The following HIPK1 variants were observed in gnomAD, a reference collection of about 807,000 sequenced individuals.
HIPK1 encodes the protein homeodomain-interacting protein kinase 1.
HIPK1 carries 28 observed loss-of-function variants against 117.1 expected under a neutral mutation model. The observed-to-expected ratio is 0.24, with a 90% confidence interval of 0.18 to 0.33. The LOEUF is 0.33. HIPK1 is among the 10% of genes least tolerant of loss of function. The pLI, the probability that HIPK1 is intolerant of heterozygous loss-of-function variation, is 1.00. For synonymous variants in HIPK1, 605 were observed against 562.5 expected, an observed-to-expected ratio of 1.08 and a Z score of -1.07; for missense variants, 1,122 against 1,475.1, an observed-to-expected ratio of 0.76 and a Z score of 3.92.
At position 113,931,198 on chromosome 1, in the gene HIPK1, G is replaced by C. The variant is rs59719046; in HGVS notation, c.-3+1666G>C. ...TTTTTTTTTTTTGTAAGATTATAGA[G>C]AATGCAAACTATTACTAGCTTTTTT... On this transcript the variant is annotated intron_variant, in intron 1 of 15. Transcript: ENST00000426820. Among the ~76,000 whole-genome samples, 766 of 146,862 alleles carry C rather than the reference G, an allele frequency of 5.2e-3. 5 individuals carry two copies. Among genetic ancestry groups the C allele is most frequent in the African/African-American group, 0.018 (701 of 39,714 alleles).
rs750949860 is a variant in HIPK1, at chr1:113,941,495, A to G, written c.1076+36A>G. Reference sequence around the variant, plus strand: ...AATGCTGAAAATCGTATCTTAGGCTAGAGTTCTGTCCTTATATTTAACATA... The same window carrying G: ...AATGCTGAAAATCGTATCTTAGGCTGGAGTTCTGTCCTTATATTTAACATA... On this transcript the variant is annotated intron_variant, in intron 2 of 15. Transcript: ENST00000426820. This position sits in a 1 kb window ranked among gnomAD's most constrained non-coding sequence, Gnocchi z 4.9. 3 of 1,529,204 alleles carry G rather than the reference A, an allele frequency of 2.0e-6. No homozygotes were observed. The highest frequency in any genetic ancestry group is 1.7e-5 in the Admixed American group (1 of 58,384). 94.7% of individuals were successfully genotyped at this position (1,529,204 alleles called of 1,614,324 possible).
intron 3 of HIPK1, among the ~76,000 whole-genome samples, chr1:113,953,465 A>G (rs896310378): frequency 6.6e-6 from 1 of 152,136 alleles, no homozygotes; most frequent in Non-Finnish European, 1.5e-5. Context: ...TTAAGGGAAA[A>G]TGTTTTACTA....
chr1:113,956,279 T>C (rs1172467891), intron 5 of HIPK1, among the ~76,000 whole-genome samples: 2 of 152,198 alleles, frequency 1.3e-5, no homozygotes, highest in East Asian at 3.9e-4. Flanking sequence ...GGTTTTGCCA[T>C]GTTGGCCAGG....
At chr1:113,943,063 G>A (rs1028184758) in intron 2 of HIPK1, among the ~76,000 whole-genome samples, 1 of 152,176 alleles carries the variant, frequency 6.6e-6, no homozygotes. Context: ...AATGTCATCT[G>A]CATGTTTCCT....
At chr1:113,947,547 A>C (rs1051626176) in intron 2 of HIPK1, among the ~76,000 whole-genome samples, 2 of 152,226 alleles carry the variant, frequency 1.3e-5, no homozygotes, top group Non-Finnish European at 2.9e-5. Context: ...TCTCTGAGAT[A>C]GGAAGAAAGA....
At chr1:113,939,840 TG>T (rs144082377) in intron 1 of HIPK1, among the ~76,000 whole-genome samples, 4,094 of 152,240 alleles carry the variant, frequency 0.027, 56 homozygotes, top group Middle Eastern at 0.044. Flanking sequence ...GAAGTGTCTG[TG>T]GGATATTCAG....
intron 7 of HIPK1, 30 bp downstream of exon 7, chr1:113,957,316 G>A (rs1045661848): frequency 6.4e-7 from 1 of 1,568,468 alleles, no homozygotes; most frequent in African/African-American, 1.4e-5. Flanking sequence ...GGAAACTCAA[G>A]CTTAAGTGGG....
At chr1:113,966,403 C>T in intron 11 of HIPK1, 131 bp downstream of exon 11, 1 of 745,320 alleles carries the variant, frequency 1.3e-6, no homozygotes, top group East Asian at 2.9e-5. Flanking sequence ...TTTAAGAACC[C>T]ATATCAGGCT....
chr1:113,929,779 T>C, intron 1 of HIPK1: 1 of 868,438 alleles, frequency 1.2e-6, no homozygotes, highest in African/African-American at 2.5e-5. Context: ...AGGCTCCCCC[T>C]GCGGGACGGG....
At chr1:113,940,309 T>G in intron 1 of HIPK1, 73 bp from the exon 2 acceptor site, 1 of 1,253,268 alleles carries the variant, frequency 8.0e-7, no homozygotes, top group Non-Finnish European at 1.1e-6. Context: ...TGTGTGTGTG[T>G]GTTTGTGTGT....
rs577913437 is a variant in HIPK1 at position 113,940,410 on chromosome 1, G to T, written c.27G>T (p.Ser9=). MASQLQVF[S]PPSVSSSAFC... is the part of the protein sequence containing the mutation. ...TGGCATCACAGCTGCAAGTGTTTTC[G>T]CCCCCATCAGTGTCGTCGAGTGCCT... Residue 9 remains serine, a synonymous_variant, in exon 2 of 16, where the codon TCG becomes TCT. Coordinates refer to ENST00000426820, the MANE Select transcript of HIPK1 (RefSeq NM_198268.3). The T allele has an allele frequency of 6.2e-7, 1 of 1,608,468 alleles. No individual in the cohort carries two copies. The highest frequency in any genetic ancestry group is 8.5e-7 in the Non-Finnish European group (1 of 1,176,946).
rs1672998605 is a variant in HIPK1, at chr1:113,973,696, G to A, written c.*184G>A. ...AACCTGTCTCAGTGTTGACTGCATT[G>A]TTGTAGTCTTCCCAAAGTTTGCCCT... On this transcript the variant is annotated 3_prime_UTR_variant, in exon 16 of 16. Transcript: ENST00000426820. 1 of 539,458 alleles carries A rather than the reference G, an allele frequency of 1.9e-6. No homozygotes were observed. The highest frequency in any genetic ancestry group is 3.0e-6 in the Non-Finnish European group (1 of 331,000). 33.4% of individuals were successfully genotyped at this position (539,458 alleles called of 1,614,324 possible).
chr1:113,934,643 G>C (rs1361639111), intron 1 of HIPK1, among the ~76,000 whole-genome samples: 1 of 151,918 alleles, frequency 6.6e-6, no homozygotes, highest in East Asian at 1.9e-4. Context: ...GCATTTTCAG[G>C]AAGTCAAAAA....
In HIPK1 at chr1:113,956,895, G is replaced by A. The variant is rs138226841; in HGVS notation, c.1592+84G>A. On this transcript the variant is annotated intron_variant, in intron 6 of 15. Coordinates refer to ENST00000426820, the MANE Select transcript of HIPK1 (RefSeq NM_198268.3). ...ATCAATGGCACTATCAAATGAGCCCGCCACTTTGGTGCTTATAAATCTGGC... is the reference window on the plus strand; with the variant it reads ...ATCAATGGCACTATCAAATGAGCCCACCACTTTGGTGCTTATAAATCTGGC... 6.0e-3 allele frequency: 7,568 copies of A among 1,266,060 alleles called. 116 individuals are homozygous for A. Among genetic ancestry groups the A allele is most frequent in the Non-Finnish European group, 4.3e-3 (3,814 of 882,692 alleles). 78.4% of individuals were successfully genotyped at this position (1,266,060 alleles called of 1,614,324 possible).
chr1:113,957,781 G>A (rs1671821902), intron 7 of HIPK1, among the ~76,000 whole-genome samples: 1 of 151,920 alleles, frequency 6.6e-6, no homozygotes, highest in African/African-American at 2.4e-5. Context: ...AGATTTGGTG[G>A]GATCTTCCAT....
chr1:113,940,883 G>C lies in HIPK1; in HGVS notation c.500G>C (p.Ser167Thr), dbSNP rs759807796. 6.2e-7 allele frequency: 1 copy of C among 1,614,052 alleles called. No individual in the cohort carries two copies. Among genetic ancestry groups the C allele is most frequent in the Admixed American group, 1.7e-5 (1 of 59,996 alleles). The change falls in exon 2 of 16, where the codon AGC (serine) becomes ACC (threonine). Residue 167 changes from serine (S) to threonine (T), a missense_variant. Around this residue, in one of 6 missense-constraint regions of HIPK1, gnomAD observed 192 missense variants for 234.0 expected, o/e 0.82. Coordinates refer to ENST00000426820, the MANE Select transcript of HIPK1 (RefSeq NM_198268.3). ...ATTTTVTTKS[S>T]SSSGEGDYQL... ...ACCACCACTGTGACCACAAAGAGTA[G>C]CAGTTCCAGCGGAGAAGGGGATTAC...
chr1:113,936,720 C>T (rs1670274074), intron 1 of HIPK1, among the ~76,000 whole-genome samples: 1 of 152,258 alleles, frequency 6.6e-6, no homozygotes, highest in African/African-American at 2.4e-5. Flanking sequence ...GCCTTGGCCT[C>T]CCAAAATGAA....
intron 1 of HIPK1, among the ~76,000 whole-genome samples, chr1:113,935,270 A>G (rs185498898): frequency 1.3e-5 from 2 of 152,266 alleles, no homozygotes; most frequent in East Asian, 3.9e-4. Context: ...TTAAGTGAGA[A>G]CATGCAGTAC....
chr1:113,969,850 C>T (rs1048773068), intron 13 of HIPK1, 106 bp from the exon 14 acceptor site: 17 of 1,252,412 alleles, frequency 1.4e-5, no homozygotes, highest in East Asian at 9.3e-5. Context: ...GAGGTCGCAG[C>T]GAGCTGTGAT....
Sources: allele counts gnomAD v4.1 joint callset (sites outside exome capture counted in the v4.1 genomes callset), GRCh38; gene constraint gnomAD v4.1.1; regional missense constraint gnomAD v4.1.1; non-coding constraint Gnocchi (gnomAD v3.1); transcripts MANE v1.5; gene names NCBI Gene and HGNC (gene_info 2026-07-23, HGNC 2026-07-21).